Variants in IGSF5 observed in about 807,000 individuals in gnomAD.
IGSF5 encodes the protein immunoglobulin superfamily 5 like.
Under a neutral mutation model 39.4 loss-of-function variants are expected in IGSF5, and 41 were observed. The ratio of observed to expected loss-of-function variants is 1.04; its 90% CI spans 0.81 to 1.35. The LOEUF (loss-of-function observed/expected upper bound fraction) is 1.35, where lower values mean the gene tolerates loss of function less well. Among genes scored for constraint, IGSF5 ranks in the 40% most tolerant of loss-of-function variants. The pLI is 0.00. For synonymous variants in IGSF5, 183 were observed against 175.3 expected (o/e 1.04, Z -0.34); for missense variants, 487 against 494.6 (o/e 0.98, Z 0.15).
chr21:39,754,391 G>T (rs2080020013), intron 2 of IGSF5, among the ~76,000 whole-genome samples: 1 of 152,158 alleles, frequency 6.6e-6, no homozygotes, highest in Admixed American at 6.5e-5. Context: ...GCAGGCACTT[G>T]CCCCCTGTTG....
intron 2 of IGSF5, among the ~76,000 whole-genome samples, chr21:39,750,507 C>A (rs1293411341): frequency 2.7e-5 from 1 of 37,610 alleles, no homozygotes; most frequent in Non-Finnish European, 8.6e-5. Flanking sequence ...GACACTGTCT[C>A]CAGAAAAAAA....
the IGSF5 span, among the ~76,000 whole-genome samples, chr21:39,730,902 T>C: frequency 6.6e-6 from 1 of 152,218 alleles, no homozygotes; most frequent in African/African-American, 2.4e-5. Flanking sequence ...ACTCCTGGCT[T>C]AGAGCCAAGA....
At chr21:39,743,920 C>T (rs2079959097), upstream of IGSF5, among the ~76,000 whole-genome samples, 1 of 152,044 alleles carries the variant, frequency 6.6e-6, no homozygotes, top group African/African-American at 2.4e-5. Context: ...TCAAATTGGT[C>T]CTAATTCTCC....
the IGSF5 span, among the ~76,000 whole-genome samples, chr21:39,720,018 T>C: frequency 1.6e-4 from 24 of 152,374 alleles, no homozygotes; most frequent in Non-Finnish European, 2.4e-4. Context: ...AATAGTTTTA[T>C]ACATACAGAA....
Position 39,771,151 on chromosome 21 carries a change from C to T in IGSF5, c.654C>T (p.Thr218=). The T allele has an allele frequency of 6.2e-7, 1 of 1,607,072 alleles. No individual in the cohort carries two copies. The highest frequency in any genetic ancestry group is 8.5e-7 in the Non-Finnish European group (1 of 1,176,174). The change falls in exon 4 of 9, where the codon ACC becomes ACT. Residue 218 remains threonine, a synonymous_variant. Transcript: ENST00000380588. ...QSNGTLTCVA[T]WKSLKARKSA... is the part of the protein sequence containing the mutation. ...ATGGGACTTTGACTTGCGTGGCTACCTGGAAGAGCCTGAAGGCCCGCAAGT... is the reference window on the plus strand; with the variant it reads ...ATGGGACTTTGACTTGCGTGGCTACTTGGAAGAGCCTGAAGGCCCGCAAGT...
chr21:39,730,555 G>A, the IGSF5 span: 1 of 152,062 alleles, frequency 6.6e-6, no homozygotes, highest in Non-Finnish European at 1.5e-5. Context: ...CCACGACTAA[G>A]GCCAACAATA....
chr21:39,779,773 A>G (rs564711120), intron 5 of IGSF5, among the ~76,000 whole-genome samples: 2 of 152,350 alleles, frequency 1.3e-5, no homozygotes, highest in South Asian at 4.1e-4. Flanking sequence ...CCTAAAGGAT[A>G]TTATGCTAAG....
At chr21:39,720,007 G>C in the IGSF5 span, among the ~76,000 whole-genome samples, 3 of 152,218 alleles carry the variant, frequency 2.0e-5, no homozygotes, top group East Asian at 3.8e-4. Flanking sequence ...TTTTCCTTTA[G>C]AATAGTTTTA....
intron 6 of IGSF5, among the ~76,000 whole-genome samples, chr21:39,788,677 A>T (rs1049111349): frequency 4.9e-4 from 74 of 152,222 alleles, no homozygotes; most frequent in African/African-American, 1.8e-3. Context: ...AGCGGACAGG[A>T]CGGAAAAATT....
At chr21:39,747,940 C>CAAAAAAAAAAA (rs200945240) in intron 2 of IGSF5, among the ~76,000 whole-genome samples, 1 of 118,766 alleles carries the variant, frequency 8.4e-6, no homozygotes, top group Non-Finnish European at 1.8e-5. Flanking sequence ...AAAACTCTGG[C>CAAAAAAAAAAA]AAAAAAAAAA....
At chr21:39,721,988 A>T in the IGSF5 span, among the ~76,000 whole-genome samples, 9,716 of 152,244 alleles carry the variant, frequency 0.064, 567 homozygotes, top group East Asian at 0.22. Context: ...ACTCCTCAGT[A>T]CAGTTGTTGA....
At chr21:39,731,303 A>G in the IGSF5 span, among the ~76,000 whole-genome samples, 1 of 152,110 alleles carries the variant, frequency 6.6e-6, no homozygotes, top group Non-Finnish European at 1.5e-5. Flanking sequence ...TAGGTCTATT[A>G]AGAGGTCTAA....
chr21:39,728,713 C>A, the IGSF5 span, among the ~76,000 whole-genome samples: 7 of 152,172 alleles, frequency 4.6e-5, no homozygotes, highest in African/African-American at 1.4e-4. Context: ...CTACGCTGTG[C>A]AAAGAGGGAG....
intron 5 of IGSF5, among the ~76,000 whole-genome samples, chr21:39,780,463 T>G (rs2080164642): frequency 6.6e-6 from 1 of 152,230 alleles, no homozygotes; most frequent in Non-Finnish European, 1.5e-5. Flanking sequence ...GCTATTATAA[T>G]GTCATTTAGA....
In IGSF5 at chr21:39,765,630, T is replaced by C; in HGVS notation, c.196T>C (p.Trp66Arg). The C allele has an allele frequency of 6.2e-7, 1 of 1,614,172 alleles. No homozygotes were observed. Among genetic ancestry groups the C allele is most frequent in the Non-Finnish European group, 8.5e-7 (1 of 1,180,032 alleles). The change falls in exon 3 of 9, where the codon TGG becomes CGG. Residue 66 changes from tryptophan (W) to arginine (R), a missense_variant. Coordinates refer to ENST00000380588, the MANE Select transcript of IGSF5 (RefSeq NM_001080444.2). Reference sequence around the variant, plus strand: ...CTTCAACTGCACCGTCTCCCAGGGCTGGAAGCTCATCATGTGGGCTCTCAG... The same window carrying C: ...CTTCAACTGCACCGTCTCCCAGGGCCGGAAGCTCATCATGTGGGCTCTCAG... The part of the protein sequence containing the change: ...ARFNCTVSQG[W>R]KLIMWALSDM...
chr21:39,751,718 T>C (rs987115785), intron 2 of IGSF5, among the ~76,000 whole-genome samples: 2 of 152,184 alleles, frequency 1.3e-5, no homozygotes, highest in Non-Finnish European at 1.5e-5. Flanking sequence ...CATGGAGATA[T>C]TGTGCAGTGG....
the IGSF5 span, among the ~76,000 whole-genome samples, chr21:39,734,437 A>ATACAC: frequency 8.7e-4 from 52 of 59,528 alleles, no homozygotes; most frequent in African/African-American, 2.6e-3. Flanking sequence ...AAAAAAAAAA[A>ATACAC]ATACACACAC....
At chr21:39,791,288 C>G (rs911036600) in intron 6 of IGSF5, among the ~76,000 whole-genome samples, 4 of 152,190 alleles carry the variant, frequency 2.6e-5, no homozygotes, top group Admixed American at 1.3e-4. Flanking sequence ...ATTGGGCACT[C>G]GGTTGTTTGC....
chr21:39,714,073 G>A, the IGSF5 span, among the ~76,000 whole-genome samples: 4 of 152,222 alleles, frequency 2.6e-5, no homozygotes, highest in African/African-American at 4.8e-5. Context: ...TCCATCCCAC[G>A]TGAGCGCGAG....
Sources: gnomAD v4.1 joint callset for allele counts (sites outside exome capture counted in the v4.1 genomes callset) on GRCh38, gnomAD v4.1.1 for gene constraint, MANE v1.5 for transcripts, NCBI Gene and HGNC (gene_info 2026-07-23, HGNC 2026-07-21) for gene names.